The following AHCTF1 variants were observed in gnomAD, a reference collection of about 807,000 sequenced individuals.
AHCTF1 encodes the protein protein ELYS.
Under a neutral mutation model 248.4 loss-of-function variants are expected in AHCTF1, and 24 were observed. The ratio of observed to expected loss-of-function variants is 0.10; its 90% confidence interval spans 0.07 to 0.14. AHCTF1 has a LOEUF of 0.14. AHCTF1 is among the 10% of genes least tolerant of loss of function. The pLI, the probability that AHCTF1 is intolerant of heterozygous loss-of-function variation, is 1.00. For synonymous variants in AHCTF1, 786 were observed against 929.8 expected (o/e 0.85, Z 2.81); for missense variants, 2,206 against 2,636.2 (o/e 0.84, Z 3.57).
chr1:246,911,051 T>G (rs776393882), intron 4 of AHCTF1, among the ~76,000 whole-genome samples: 1 of 152,206 alleles, frequency 6.6e-6, no homozygotes, highest in Non-Finnish European at 1.5e-5. Flanking sequence ...TAAAGCTTAA[T>G]TTTTTGTGCT....
intron 29 of AHCTF1, among the ~76,000 whole-genome samples, chr1:246,858,236 G>A (rs1281900795): frequency 6.6e-6 from 1 of 152,108 alleles, no homozygotes; most frequent in African/African-American, 2.4e-5. Context: ...TGGGATTACA[G>A]GCATGAGCCA....
chr1:246,927,105 G>T (rs756279015), intron 1 of AHCTF1, among the ~76,000 whole-genome samples: 1 of 151,882 alleles, frequency 6.6e-6, no homozygotes, highest in African/African-American at 2.4e-5. Context: ...GTGAACCCGG[G>T]AGGCGGAGCT....
intron 15 of AHCTF1, 69 bp downstream of exon 15, chr1:246,891,710 G>A (rs2103140572): frequency 5.9e-6 from 9 of 1,513,856 alleles, no homozygotes; most frequent in Non-Finnish European, 8.1e-6. Flanking sequence ...CATGGGAAAT[G>A]TTATTCGTTT....
intron 30 of AHCTF1, among the ~76,000 whole-genome samples, chr1:246,856,167 A>T (rs1661097446): frequency 6.6e-6 from 1 of 152,222 alleles, no homozygotes; most frequent in African/African-American, 2.4e-5. Flanking sequence ...TCTGTCAAGT[A>T]TTCTGGAATA....
intron 13 of AHCTF1, 97 bp downstream of exon 13, chr1:246,895,738 T>A: frequency 9.7e-7 from 1 of 1,028,176 alleles, no homozygotes. Context: ...GGATCTTCAA[T>A]TATATCAAAA....
At chr1:246,845,761 G>A (rs1660212629) in intron 33 of AHCTF1, among the ~76,000 whole-genome samples, 1 of 152,092 alleles carries the variant, frequency 6.6e-6, no homozygotes, top group South Asian at 2.1e-4. Flanking sequence ...GAGTTCAAAA[G>A]GCCTAGGTTC....
In AHCTF1 at chr1:246,895,852, C is replaced by T. The variant is rs1417893724; in HGVS notation, c.1697G>A (p.Arg566Gln). ...AATCTTACCTTCTGTTATCCATCTT[C>T]GGATATAACCAGTCAAAAGTCCCAG... ...SSLGLLTGYI[R>Q]RWITEEQPNS... The change falls in exon 13 of 36, where the codon CGA (arginine) becomes CAA (glutamine). Residue 566 changes from arginine to glutamine, a missense_variant. Physicochemically the swap from Arg to Gln is conservative, Grantham distance 43. This residue lies in a region of AHCTF1 where 650 missense variants were observed against 870.8 expected (regional missense o/e 0.75). Coordinates refer to ENST00000648844, the MANE Select transcript of AHCTF1 (RefSeq NM_001323342.2). 4 of 1,611,088 alleles carry T rather than the reference C, an allele frequency of 2.5e-6. No homozygotes were observed. The African/African-American group carries it at 4.0e-5, about 16-fold the overall frequency.
chr1:246,925,004 A>T (rs1666832135), intron 1 of AHCTF1, among the ~76,000 whole-genome samples: 1 of 152,312 alleles, frequency 6.6e-6, no homozygotes, highest in South Asian at 2.1e-4. Context: ...TACCAAAAAA[A>T]TTTTTAGAGA....
At chr1:246,928,860 C>T (rs1186633703) in intron 1 of AHCTF1, among the ~76,000 whole-genome samples, 1 of 152,172 alleles carries the variant, frequency 6.6e-6, no homozygotes, top group South Asian at 2.1e-4. Flanking sequence ...GACCCAGAAA[C>T]TTCAAGCCTT....
intron 31 of AHCTF1, among the ~76,000 whole-genome samples, chr1:246,853,911 G>C (rs1295339254): frequency 6.6e-6 from 1 of 152,130 alleles, no homozygotes; most frequent in Non-Finnish European, 1.5e-5. Flanking sequence ...ATGTTTTCCT[G>C]TTTGGCAAAA....
Position 246,904,014 on chromosome 1 carries a change from A to C in AHCTF1, c.901T>G (p.Leu301Val). 2 of 1,614,056 alleles carry C rather than the reference A, an allele frequency of 1.2e-6. No homozygotes were observed. Among genetic ancestry groups the C allele is most frequent in the Non-Finnish European group, 1.7e-6 (2 of 1,179,988 alleles). Residue 301 changes from leucine (L) to valine (V), a missense_variant, in exon 7 of 36, where the codon TTG becomes GTG. Leu to Val is a conservative substitution (Grantham distance 32). Coordinates refer to ENST00000648844, the MANE Select transcript of AHCTF1 (RefSeq NM_001323342.2). The stretch of plus-strand genomic sequence containing the variant: ...CCAAAGGCCAGCTGCAGCAGATGCA[A>C]ACTCAAAACATCCCCTTCACTGAAA... ...TQDSEGDVLSLHLLQLAFGNR... is the reference protein window; with the variant it reads ...TQDSEGDVLSVHLLQLAFGNR...
In AHCTF1 at chr1:246,900,321, A is replaced by G. The variant is rs778154947; in HGVS notation, c.1250+16T>C. On this transcript the variant is annotated intron_variant, in intron 9 of 35. Coordinates refer to ENST00000648844, the MANE Select transcript of AHCTF1 (RefSeq NM_001323342.2). Reference sequence around the variant, plus strand: ...AAATACAAAGAGAAAGGAGAGAGAAAAAAAAAGAATCATACCTTAACGAAT... The same window carrying G: ...AAATACAAAGAGAAAGGAGAGAGAAGAAAAAAGAATCATACCTTAACGAAT... The G allele has an allele frequency of 6.3e-7, 1 of 1,583,048 alleles. No individual in the cohort carries two copies. Among genetic ancestry groups the G allele is most frequent in the South Asian group, 1.2e-5 (1 of 84,674 alleles).
intron 3 of AHCTF1, among the ~76,000 whole-genome samples, chr1:246,915,935 T>C (rs1666112986): frequency 6.6e-6 from 1 of 152,220 alleles, no homozygotes; most frequent in Non-Finnish European, 1.5e-5. Context: ...GAAAGTTACA[T>C]TTTAAATGTT....
intron 35 of AHCTF1, among the ~76,000 whole-genome samples, chr1:246,841,484 A>C (rs1162585022): frequency 6.6e-6 from 1 of 152,216 alleles, no homozygotes; most frequent in Non-Finnish European, 1.5e-5. Context: ...AGTGTCTTAA[A>C]TAAAATGCAT....
intron 14 of AHCTF1, among the ~76,000 whole-genome samples, chr1:246,892,745 G>A (rs1009772982): frequency 7.9e-5 from 12 of 151,924 alleles, no homozygotes; most frequent in African/African-American, 2.9e-4. Context: ...GTTCCTCCTA[G>A]CTCAGCCTCC....
intron 1 of AHCTF1, among the ~76,000 whole-genome samples, chr1:246,929,847 T>A (rs1453691370): frequency 3.9e-5 from 6 of 152,048 alleles, no homozygotes; most frequent in South Asian, 4.1e-4. Context: ...AGGTCAGAAG[T>A]TCAAGACCAG....
chr1:246,927,329 C>T (rs929253653), intron 1 of AHCTF1, among the ~76,000 whole-genome samples: 3 of 151,924 alleles, frequency 2.0e-5, no homozygotes, highest in Non-Finnish European at 4.4e-5. Context: ...CTACTAAAAA[C>T]AAGAAATGTA....
chr1:246,929,913 G>A (rs1452869242), intron 1 of AHCTF1, among the ~76,000 whole-genome samples: 3 of 152,114 alleles, frequency 2.0e-5, no homozygotes, highest in African/African-American at 4.8e-5. Context: ...TTAGCCGGGT[G>A]TGGTGGCGTG....
intron 2 of AHCTF1, among the ~76,000 whole-genome samples, chr1:246,917,548 GA>G (rs1195552681): frequency 6.6e-6 from 1 of 152,098 alleles, no homozygotes; most frequent in Non-Finnish European, 1.5e-5. Context: ...TGGCTACTTA[GA>G]AAAAAGTTTT....
Sources: allele counts gnomAD v4.1 joint callset (sites outside exome capture counted in the v4.1 genomes callset), GRCh38; gene constraint gnomAD v4.1.1; regional missense constraint gnomAD v4.1.1; transcripts MANE v1.5; gene names NCBI Gene and HGNC (gene_info 2026-07-23, HGNC 2026-07-21).